The following AGAP1 variants were observed in gnomAD, a reference collection of about 807,000 sequenced individuals.
AGAP1 encodes arf-GAP with GTPase, ANK repeat and PH domain-containing protein 1.
AGAP1 carries 29 observed loss-of-function variants against 105.3 expected under a neutral mutation model. The observed-to-expected ratio is 0.28, with a 90% CI of 0.21 to 0.38. The LOEUF is 0.38. AGAP1 is among the 10% of genes least tolerant of loss of function. The pLI, the probability that AGAP1 is intolerant of heterozygous loss-of-function variation, is 1.00. For synonymous variants in AGAP1, 509 were observed against 485.9 expected (o/e 1.05, Z -0.63); for missense variants, 998 against 1,165.1 (o/e 0.86, Z 2.09).
intron 1 of AGAP1, among the ~76,000 whole-genome samples, chr2:235,567,630 G>A (rs1944388725): frequency 6.6e-6 from 1 of 152,116 alleles, no homozygotes; most frequent in South Asian, 2.1e-4. Flanking sequence ...CTTCCCAGCC[G>A]GTCGCATACT....
chr2:236,013,498 C>G (rs982911972), intron 13 of AGAP1, among the ~76,000 whole-genome samples: 1 of 152,186 alleles, frequency 6.6e-6, no homozygotes, highest in African/African-American at 2.4e-5. Context: ...GGGAGCTGAC[C>G]GTTGGCCAGC....
At chr2:235,762,802 G>C (rs545200405) in intron 6 of AGAP1, among the ~76,000 whole-genome samples, 1 of 152,284 alleles carries the variant, frequency 6.6e-6, no homozygotes, top group African/African-American at 2.4e-5. Context: ...GGACCCAGGA[G>C]GCAGAGGTTG....
rs1952277731 is a variant in AGAP1, at chr2:235,736,744, G to A, written c.311-4219G>A. On this transcript the variant is annotated intron_variant, in intron 3 of 17. Coordinates refer to ENST00000304032, the MANE Select transcript of AGAP1 (RefSeq NM_001037131.3). The surrounding 1 kb of genome is among the most constrained non-coding windows in gnomAD (Gnocchi z 5.5). The stretch of plus-strand genomic sequence containing the variant: ...GGTCCCAGCTACTCAGGGAGGCTGA[G>A]GTGGGAGGATCTTTTGAGCCTAGGC... Among the ~76,000 whole-genome samples, 1 of 152,210 alleles carries A rather than the reference G, an allele frequency of 6.6e-6. No homozygotes were observed.
intron 6 of AGAP1, among the ~76,000 whole-genome samples, chr2:235,781,528 A>ATT (rs1956263027): frequency 6.6e-6 from 1 of 152,242 alleles, no homozygotes; most frequent in Non-Finnish European, 1.5e-5. Context: ...TTAAATGCTT[A>ATT]TAAAGGCCAG....
At chr2:235,650,739 A>G (rs893274425) in intron 1 of AGAP1, among the ~76,000 whole-genome samples, 1 of 152,192 alleles carries the variant, frequency 6.6e-6, no homozygotes, top group African/African-American at 2.4e-5. Context: ...TTTTTTGCAG[A>G]TTGCAAATCT....
At chr2:235,545,084 T>C (rs1279915246) in intron 1 of AGAP1, among the ~76,000 whole-genome samples, 1 of 152,194 alleles carries the variant, frequency 6.6e-6, no homozygotes, top group Non-Finnish European at 1.5e-5. Flanking sequence ...TCTTGCTACT[T>C]TGTTGTTTAG....
intron 16 of AGAP1, among the ~76,000 whole-genome samples, chr2:236,066,752 G>A (rs374478185): frequency 6.6e-6 from 1 of 152,082 alleles, no homozygotes; most frequent in South Asian, 2.1e-4. Flanking sequence ...TAACTGCATA[G>A]GTCTATCAAT....
At position 236,083,834 on chromosome 2, in the gene AGAP1, G is replaced by A. The variant is rs1027607177; in HGVS notation, c.2114+34553G>A. The stretch of plus-strand genomic sequence containing the variant: ...GAGTGCCTCTTCTGAGATCCCATTC[G>A]ATGCTCTGCCCTCAATTAAATGAAT... On this transcript the variant is annotated intron_variant, in intron 16 of 17. Transcript: ENST00000304032. This position sits in a 1 kb window ranked among gnomAD's most constrained non-coding sequence, Gnocchi z 5.3. Among the ~76,000 whole-genome samples the A allele has an allele frequency of 3.3e-5, 5 of 152,038 alleles. No homozygotes were observed. Among genetic ancestry groups the A allele is most frequent in the Non-Finnish European group, 7.4e-5 (5 of 68,024 alleles).
In AGAP1 at chr2:235,927,773, C is replaced by G; in HGVS notation, c.1325-2992C>G. Among the ~76,000 whole-genome samples, 1 of 152,216 alleles carries G rather than the reference C, an allele frequency of 6.6e-6. No individual in the cohort carries two copies. Among genetic ancestry groups the G allele is most frequent in the African/African-American group, 2.4e-5 (1 of 41,468 alleles). The stretch of plus-strand genomic sequence containing the variant: ...GCCTGGTTGTCATCGGAGAACCACT[C>G]TCCAGGGAGAAGGAGCAAGAGAAGC... On this transcript the variant is annotated intron_variant, in intron 11 of 17. Coordinates refer to ENST00000304032, the MANE Select transcript of AGAP1 (RefSeq NM_001037131.3). This position sits in a 1 kb window ranked among gnomAD's most constrained non-coding sequence, Gnocchi z 4.4.
chr2:235,901,827 C>T lies in AGAP1; in HGVS notation c.1156-6911C>T, dbSNP rs970194455. On this transcript the variant is annotated intron_variant, in intron 10 of 17. Transcript: ENST00000304032. This position sits in a 1 kb window ranked among gnomAD's most constrained non-coding sequence, Gnocchi z 4.3. ...CCAGGAGACAGAAATTGCAGTGAGCCGAGATCACACCACTGTACTCCAGCC... is the reference window on the plus strand; with the variant it reads ...CCAGGAGACAGAAATTGCAGTGAGCTGAGATCACACCACTGTACTCCAGCC... Among the ~76,000 whole-genome samples, 1 of 150,530 alleles carries T rather than the reference C, an allele frequency of 6.6e-6. No individual in the cohort carries two copies. Among genetic ancestry groups the T allele is most frequent in the Non-Finnish European group, 1.5e-5 (1 of 67,670 alleles).
At chr2:235,638,451 T>C (rs1314987898) in intron 1 of AGAP1, among the ~76,000 whole-genome samples, 1 of 152,106 alleles carries the variant, frequency 6.6e-6, no homozygotes, top group Non-Finnish European at 1.5e-5. Flanking sequence ...GAACAAATTG[T>C]GAATAGAGAC....
At position 235,901,256 on chromosome 2, in the gene AGAP1, A is replaced by G. The variant is rs2124995658; in HGVS notation, c.1156-7482A>G. 6.6e-6 allele frequency among the ~76,000 whole-genome samples: 1 copy of G among 151,162 alleles called. No homozygotes were observed. The highest frequency in any genetic ancestry group is 2.1e-4 in the South Asian group (1 of 4,794). The stretch of plus-strand genomic sequence containing the variant: ...AAATGGAGTTTGGGAATAGTAGTGA[A>G]CTTTACAATGGCTTCTCTTACATAC... On this transcript the variant is annotated intron_variant, in intron 10 of 17. Transcript: ENST00000304032. This position sits in a 1 kb window ranked among gnomAD's most constrained non-coding sequence, Gnocchi z 4.3.
At chr2:235,795,704 C>T (rs920839455) in intron 6 of AGAP1, among the ~76,000 whole-genome samples, 7 of 151,866 alleles carry the variant, frequency 4.6e-5, no homozygotes, top group Admixed American at 1.3e-4. Context: ...TACCAGTTAC[C>T]GGATGTTGTG....
In AGAP1 at chr2:236,042,536, C is replaced by T. The variant is rs756432057; in HGVS notation, c.1891+1695C>T. 1.4e-4 allele frequency among the ~76,000 whole-genome samples: 22 copies of T among 152,080 alleles called. No homozygotes were observed. The highest frequency in any genetic ancestry group is 1.2e-4 in the African/African-American group (5 of 41,400). On this transcript the variant is annotated intron_variant, in intron 15 of 17. Transcript: ENST00000304032. This position sits in a 1 kb window ranked among gnomAD's most constrained non-coding sequence, Gnocchi z 5.6. ...AAAAGTAAGAGCTTTTTTAAAAGCA[C>T]GAATCTGAGAAATATTAGAACATCC...
In AGAP1 at chr2:235,586,521, C is replaced by A. The variant is rs1945118021; in HGVS notation, c.163+91672C>A. ...CCACGAGCAAGTATTTTGAGTGCTCCTTATGTCCATGCAGAGGCTGACTCC... is the reference window on the plus strand; with the variant it reads ...CCACGAGCAAGTATTTTGAGTGCTCATTATGTCCATGCAGAGGCTGACTCC... On this transcript the variant is annotated intron_variant, in intron 1 of 17. Transcript: ENST00000304032. This position sits in a 1 kb window ranked among gnomAD's most constrained non-coding sequence, Gnocchi z 4.2. Among the ~76,000 whole-genome samples, 3 of 152,194 alleles carry A rather than the reference C, an allele frequency of 2.0e-5. No homozygotes were observed. Among genetic ancestry groups the A allele is most frequent in the African/African-American group, 7.2e-5 (3 of 41,448 alleles).
rs931762570 is a variant in AGAP1, at chr2:235,962,456, G to A, written c.1484-6006G>A. Reference sequence around the variant, plus strand: ...AAGAAAAACCGTGGGATGTGAGCGGGTTGGACGTCAGATGGCATGGAACTC... The same window carrying A: ...AAGAAAAACCGTGGGATGTGAGCGGATTGGACGTCAGATGGCATGGAACTC... On this transcript the variant is annotated intron_variant, in intron 12 of 17. Coordinates refer to ENST00000304032, the MANE Select transcript of AGAP1 (RefSeq NM_001037131.3). The surrounding 1 kb of genome is among the most constrained non-coding windows in gnomAD (Gnocchi z 5.3). Among the ~76,000 whole-genome samples, 2 of 152,124 alleles carry A rather than the reference G, an allele frequency of 1.3e-5. No individual in the cohort carries two copies. The highest frequency in any genetic ancestry group is 1.3e-4 in the Admixed American group (2 of 15,282).
rs1330600652 is a variant in AGAP1 at position 235,691,313 on chromosome 2, C to T, written c.164-17866C>T. Among the ~76,000 whole-genome samples, 1 of 152,194 alleles carries T rather than the reference C, an allele frequency of 6.6e-6. No individual in the cohort carries two copies. The highest frequency in any genetic ancestry group is 1.9e-4 in the East Asian group (1 of 5,184). ...GTCACTCTCTGGCAGTGGATGCTAC[C>T]CTGTTGGTGGCAAGTTAGAAAGGCA... is the stretch of plus-strand genomic sequence containing the variant. On this transcript the variant is annotated intron_variant, in intron 1 of 17. Coordinates refer to ENST00000304032, the MANE Select transcript of AGAP1 (RefSeq NM_001037131.3). This position sits in a 1 kb window ranked among gnomAD's most constrained non-coding sequence, Gnocchi z 4.4.
In AGAP1 at chr2:236,005,057, T is replaced by A. The variant is rs137936905; in HGVS notation, c.1646-31504T>A. Reference sequence around the variant, plus strand: ...GAAAGCTTTAGACTTTTAGAAAAATTGAGGAGATATTATAGGTTATTCCCA... The same window carrying A: ...GAAAGCTTTAGACTTTTAGAAAAATAGAGGAGATATTATAGGTTATTCCCA... On this transcript the variant is annotated intron_variant, in intron 13 of 17. Coordinates refer to ENST00000304032, the MANE Select transcript of AGAP1 (RefSeq NM_001037131.3). This position sits in a 1 kb window ranked among gnomAD's most constrained non-coding sequence, Gnocchi z 4.1. Among the ~76,000 whole-genome samples the A allele has an allele frequency of 4.6e-5, 7 of 152,272 alleles. No individual in the cohort carries two copies. The East Asian group carries it at 1.3e-3, about 29-fold the overall frequency.
chr2:236,069,981 C>A (rs1403771991), intron 16 of AGAP1, among the ~76,000 whole-genome samples: 1 of 152,258 alleles, frequency 6.6e-6, no homozygotes, highest in African/African-American at 2.4e-5. Context: ...CATGGCTTGC[C>A]TTTCACCCAG....
Sources: allele counts gnomAD v4.1 joint callset (sites outside exome capture counted in the v4.1 genomes callset), GRCh38; gene constraint gnomAD v4.1.1; non-coding constraint Gnocchi (gnomAD v3.1); transcripts MANE v1.5; gene names NCBI Gene and HGNC (gene_info 2026-07-23, HGNC 2026-07-21).